GNG2: variants seen among roughly 807,000 people sequenced by gnomAD.
GNG2 encodes guanine nucleotide-binding protein G(I)/G(S)/G(O) subunit gamma-2.
Under a neutral mutation model 5.5 loss-of-function variants are expected in GNG2, and 5 were observed. The observed-to-expected ratio is 0.91, with a 90% confidence interval of 0.48 to 1.92. The LOEUF (loss-of-function observed/expected upper bound fraction) is 1.92. GNG2 is among the 30% of genes most tolerant of loss of function. The probability of loss-of-function intolerance (pLI) is 0.01; values close to 1 mark genes in which losing one functional copy is unlikely to be tolerated. For missense variants in GNG2, 55 were observed against 88.4 expected, an observed-to-expected ratio of 0.62 and a Z score of 1.52; for synonymous variants, 28 against 32.0, an observed-to-expected ratio of 0.88 and a Z score of 0.42.
At chr14:51,948,643 T>C (rs1193630997) in intron 2 of GNG2, among the ~76,000 whole-genome samples, 1 of 152,222 alleles carries the variant, frequency 6.6e-6, no homozygotes, top group Non-Finnish European at 1.5e-5. Context: ...GCTGCGATGA[T>C]TGGGTCTCTA....
Position 51,946,455 on chromosome 14 carries a change from GAGAA to G in GNG2, c.-29-4189_-29-4186del, listed in dbSNP as rs1038907921. Among the ~76,000 whole-genome samples the G allele has an allele frequency of 1.1e-3, 166 of 152,224 alleles. 2 individuals are homozygous for G. Among genetic ancestry groups the G allele is most frequent in the African/African-American group, 3.8e-3 (157 of 41,538 alleles). On this transcript the variant is annotated intron_variant, in intron 2 of 3. Transcript: ENST00000556766. ...ATTCTACATTGCGGTCAGTTTAAAA[GAGAA>G]AGAAAAAGGAAGAGACTGATCACAA...
chr14:51,956,138 C>A (rs527950226), intron 3 of GNG2, among the ~76,000 whole-genome samples: 1 of 152,220 alleles, frequency 6.6e-6, no homozygotes, highest in East Asian at 1.9e-4. Context: ...CCAACCTCAC[C>A]CTATATATCT....
At chr14:51,916,374 A>C in intron 2 of GNG2, 1 of 427,374 alleles carries the variant, frequency 2.3e-6, no homozygotes, top group Non-Finnish European at 4.6e-6. Flanking sequence ...CACCGTTGGC[A>C]GAATATGGTG....
intron 2 of GNG2, among the ~76,000 whole-genome samples, chr14:51,846,589 T>G (rs1881634508): frequency 6.6e-6 from 1 of 152,244 alleles, no homozygotes; most frequent in African/African-American, 2.4e-5. Flanking sequence ...TTTTTTGCTT[T>G]GTTTTCTACC....
At chr14:51,946,727 C>G (rs78742879) in intron 2 of GNG2, among the ~76,000 whole-genome samples, 1 of 152,170 alleles carries the variant, frequency 6.6e-6, no homozygotes, top group Non-Finnish European at 1.5e-5. Flanking sequence ...ATTTTAGCTT[C>G]TGGCCTGTGG....
intron 2 of GNG2, among the ~76,000 whole-genome samples, chr14:51,889,252 A>G (rs1884676803): frequency 6.6e-6 from 1 of 151,914 alleles, no homozygotes; most frequent in South Asian, 2.1e-4. Flanking sequence ...AGCTGGGACT[A>G]CAGGTGTGTG....
chr14:51,870,749 G>T (rs569115734), intron 1 of GNG2, among the ~76,000 whole-genome samples: 1 of 152,140 alleles, frequency 6.6e-6, no homozygotes, highest in African/African-American at 2.4e-5. Context: ...CATTACTGTC[G>T]CATTCTCTTT....
intron 2 of GNG2, chr14:51,841,627 G>A: frequency 1.5e-6 from 1 of 681,528 alleles, no homozygotes; most frequent in Non-Finnish European, 2.7e-6. Context: ...TAAAAGGAAA[G>A]AAAACAAGCA....
intron 3 of GNG2, among the ~76,000 whole-genome samples, chr14:51,953,643 T>C (rs1322426704): frequency 2.0e-5 from 3 of 152,254 alleles, no homozygotes; most frequent in Non-Finnish European, 4.4e-5. Flanking sequence ...ATTTGTTCTG[T>C]ACCTCAGAGC....
chr14:51,830,194 C>T (rs1289380611), intron 2 of GNG2, among the ~76,000 whole-genome samples: 1 of 152,222 alleles, frequency 6.6e-6, no homozygotes, highest in Non-Finnish European at 1.5e-5. Context: ...ATTCCTAACT[C>T]TCCTGGGTTT....
intron 3 of GNG2, among the ~76,000 whole-genome samples, chr14:51,959,152 T>C (rs1889448015): frequency 6.6e-6 from 1 of 152,190 alleles, no homozygotes; most frequent in African/African-American, 2.4e-5. Context: ...CTAGGGTTCA[T>C]TCATTACTCA....
chr14:51,859,540 T>C (rs776418814), upstream of GNG2, among the ~76,000 whole-genome samples: 1 of 152,226 alleles, frequency 6.6e-6, no homozygotes, highest in Non-Finnish European at 1.5e-5. Flanking sequence ...CCCAGAACTA[T>C]TATTAGCACC....
At chr14:51,949,874 G>C (rs1888871578) in intron 2 of GNG2, among the ~76,000 whole-genome samples, 1 of 151,446 alleles carries the variant, frequency 6.6e-6, no homozygotes, top group African/African-American at 2.4e-5. Context: ...AGGATTTGAA[G>C]GGGGAGGGGA....
chr14:51,840,609 C>G (rs1881457504), intron 2 of GNG2, among the ~76,000 whole-genome samples: 1 of 152,198 alleles, frequency 6.6e-6, no homozygotes, highest in Non-Finnish European at 1.5e-5. Flanking sequence ...GATTGTCATT[C>G]ATTCTGTTGC....
In GNG2 at chr14:51,963,611, A is replaced by G. The variant is rs138368369; in HGVS notation, c.88-2948A>G. Among the ~76,000 whole-genome samples, 59 of 152,342 alleles carry G rather than the reference A, an allele frequency of 3.9e-4. 1 individual carries two copies. The highest frequency in any genetic ancestry group is 3.4e-3 in the Middle Eastern group (1 of 294). On this transcript the variant is annotated intron_variant, in intron 3 of 3. Coordinates refer to ENST00000556766, the MANE Select transcript of GNG2 (RefSeq NM_053064.5). ...TTTGTCATAGAAGCATTTCATAAAGAATTTCAATTTCAACCTTTGGAACAA... is the reference window on the plus strand; with the variant it reads ...TTTGTCATAGAAGCATTTCATAAAGGATTTCAATTTCAACCTTTGGAACAA...
chr14:51,875,532 C>T (rs575484288), intron 1 of GNG2, among the ~76,000 whole-genome samples: 1 of 152,166 alleles, frequency 6.6e-6, no homozygotes, highest in Admixed American at 6.5e-5. Context: ...TTCTGTTGAA[C>T]AGAGGAAATA....
chr14:51,846,446 A>C (rs1566642267), intron 2 of GNG2, among the ~76,000 whole-genome samples: 1 of 152,330 alleles, frequency 6.6e-6, no homozygotes, highest in Non-Finnish European at 1.5e-5. Context: ...TTTGTTGTTA[A>C]TTCTCTGAAG....
intron 2 of GNG2, among the ~76,000 whole-genome samples, chr14:51,903,473 TGGACTTA>T (rs1316710035): frequency 6.6e-6 from 1 of 152,222 alleles, no homozygotes; most frequent in Admixed American, 6.5e-5. Context: ...AGCAAGGGCG[TGGACTTA>T]TGTGCTCACA....
At chr14:51,867,079 A>G (rs908310185) in intron 1 of GNG2, among the ~76,000 whole-genome samples, 2 of 152,098 alleles carry the variant, frequency 1.3e-5, no homozygotes, top group African/African-American at 2.4e-5. Flanking sequence ...ACGCACACAA[A>G]GTAATTAAGA....
Sources: gnomAD v4.1 joint callset for allele counts (sites outside exome capture counted in the v4.1 genomes callset) on GRCh38, gnomAD v4.1.1 for gene constraint, MANE v1.5 for transcripts, NCBI Gene and HGNC (gene_info 2026-07-23, HGNC 2026-07-21) for gene names.